The following URGCP variants were observed in gnomAD, a reference collection of about 807,000 sequenced individuals.
The protein encoded by URGCP is upregulator of cell proliferation, also known as up-regulator of cell proliferation.
A neutral mutation model predicts 24.6 loss-of-function variants in URGCP; 13 were observed. The observed-to-expected ratio is 0.53, with a 90% CI of 0.34 to 0.84. URGCP has a LOEUF of 0.84. Ranked by LOEUF, URGCP falls within the 40% of genes least tolerant of loss-of-function variation. URGCP has a pLI of 0.01. For synonymous variants in URGCP, 444 were observed against 487.2 expected (o/e 0.91, Z 1.17); for missense variants, 899 against 1,194.3 (o/e 0.75, Z 3.64).
chr7:43,919,108 G>A, intron 1 of URGCP: 1 of 886,440 alleles, frequency 1.1e-6, no homozygotes, highest in South Asian at 1.3e-5. Context: ...TTTGTGCTGT[G>A]TCAGTTCATT....
chr7:43,909,042 A>G (rs2095907234), upstream of URGCP, among the ~76,000 whole-genome samples: 1 of 152,226 alleles, frequency 6.6e-6, no homozygotes, highest in South Asian at 2.1e-4. Flanking sequence ...GAATGTGAGT[A>G]ATAAATATCC....
chr7:43,918,745 T>C, intron 1 of URGCP: 1 of 791,704 alleles, frequency 1.3e-6, no homozygotes, highest in Non-Finnish European at 2.2e-6. Context: ...AGCAATCAGA[T>C]TGGGTTCGAG....
At chr7:43,917,225 T>C (rs976524505) in intron 1 of URGCP, among the ~76,000 whole-genome samples, 1 of 152,216 alleles carries the variant, frequency 6.6e-6, no homozygotes, top group Non-Finnish European at 1.5e-5. Flanking sequence ...AGAAAGGGAA[T>C]GATAAGGATC....
chr7:43,923,365 C>T (rs2095924834), intron 1 of URGCP, among the ~76,000 whole-genome samples: 1 of 151,224 alleles, frequency 6.6e-6, no homozygotes, highest in South Asian at 2.1e-4. Flanking sequence ...TAGCTCCCTG[C>T]AGCCTCAAAT....
At chr7:43,879,967 A>C (rs1323541490) in intron 5 of URGCP, among the ~76,000 whole-genome samples, 1 of 150,002 alleles carries the variant, frequency 6.7e-6, no homozygotes, top group Non-Finnish European at 1.5e-5. Flanking sequence ...TCTGTTACCC[A>C]GGCTGTAGTG....
At chr7:43,893,969 T>C (rs1444042945) in intron 1 of URGCP, among the ~76,000 whole-genome samples, 2 of 151,988 alleles carry the variant, frequency 1.3e-5, no homozygotes, top group African/African-American at 4.8e-5. Context: ...AAATAGACTT[T>C]ACATGAAAAA....
At chr7:43,906,413 T>C (rs2095902951) in intron 1 of URGCP, 149 bp downstream of exon 1, 1 of 884,584 alleles carries the variant, frequency 1.1e-6, no homozygotes, top group Middle Eastern at 5.6e-4. Flanking sequence ...GAGCGGGCCG[T>C]GGGCCTGGTG....
intron 1 of URGCP, among the ~76,000 whole-genome samples, chr7:43,903,092 T>C (rs1466213710): frequency 4.6e-5 from 6 of 130,484 alleles, no homozygotes; most frequent in Non-Finnish European, 8.1e-5. Flanking sequence ...AAGATCAACA[T>C]AGGCAACATA....
At position 43,879,232 on chromosome 7, in the gene URGCP, C is replaced by T. The variant is rs760702001; in HGVS notation, c.231G>A (p.Leu77=). ...GGTACGTCTCTAGGCCCAAAAGTGACAGCATTTCTTGAAGCCTGCTTCTCT... is the reference window on the plus strand; with the variant it reads ...GGTACGTCTCTAGGCCCAAAAGTGATAGCATTTCTTGAAGCCTGCTTCTCT... ...TVERSRLQEM[L]SLLGLETYQV... is the part of the protein sequence containing the mutation. Residue 77 remains leucine (L), a synonymous_variant, in exon 6 of 6, where the codon CTG becomes CTA. Coordinates refer to ENST00000453200, the MANE Select transcript of URGCP (RefSeq NM_001077663.3). The T allele has an allele frequency of 1.9e-6, 3 of 1,611,430 alleles. No homozygotes were observed. The highest frequency in any genetic ancestry group is 1.7e-6 in the Non-Finnish European group (2 of 1,179,344).
At chr7:43,912,270 G>A (rs2095910831) in intron 1 of URGCP, among the ~76,000 whole-genome samples, 2 of 152,210 alleles carry the variant, frequency 1.3e-5, no homozygotes, top group African/African-American at 2.4e-5. Context: ...GGCTGAGGCT[G>A]TTGGATTACC....
chr7:43,919,671 C>T (rs1217956692), intron 1 of URGCP: 3 of 1,375,622 alleles, frequency 2.2e-6, no homozygotes, highest in South Asian at 1.2e-5. Flanking sequence ...CAACACCATC[C>T]AGGGAGAGGT....
chr7:43,890,883 T>C (rs972869975), intron 1 of URGCP, among the ~76,000 whole-genome samples: 3 of 152,264 alleles, frequency 2.0e-5, no homozygotes, highest in Non-Finnish European at 2.9e-5. Flanking sequence ...TGATGGCCCA[T>C]TGCTCATTCT....
At chr7:43,887,911 A>G in intron 1 of URGCP, 95 bp from the exon 2 acceptor site, 1 of 790,852 alleles carries the variant, frequency 1.3e-6, no homozygotes. Flanking sequence ...AAAGTGCAAT[A>G]ACGGAATTAT....
chr7:43,876,548 C>T lies in URGCP; in HGVS notation c.*119G>A. The T allele has an allele frequency of 8.8e-7, 1 of 1,138,362 alleles. No homozygotes were observed. The highest frequency in any genetic ancestry group is 1.3e-6 in the Non-Finnish European group (1 of 795,940). 70.5% of individuals were successfully genotyped at this position (1,138,362 alleles called of 1,614,324 possible). ...CCAAACCCTGTCTTTTCCTCGTCTT[C>T]TCATGTCGATTGGGCACCAGCCATT... On this transcript the variant is annotated 3_prime_UTR_variant, in exon 6 of 6. Coordinates refer to ENST00000453200, the MANE Select transcript of URGCP (RefSeq NM_001077663.3).
Position 43,878,053 on chromosome 7 carries a change from C to A in URGCP, c.1410G>T (p.Gln470His). 1 of 1,614,254 alleles carries A rather than the reference C, an allele frequency of 6.2e-7. No individual in the cohort carries two copies. Among genetic ancestry groups the A allele is most frequent in the Non-Finnish European group, 8.5e-7 (1 of 1,180,052 alleles). Residue 470 changes from glutamine (Q) to histidine (H), a missense_variant, in exon 6 of 6, where the codon CAG becomes CAT. Gln to His is a conservative substitution (Grantham distance 24, BLOSUM62 0). Transcript: ENST00000453200. The surrounding 1 kb of genome is among the most constrained non-coding windows in gnomAD (Gnocchi z 5.6). ...LKVDEDCEEC[Q>H]KAKDRMERIT... Reference sequence around the variant, plus strand: ...TCCTCTCCATCCGGTCTTTCGCTTTCTGACACTCCTCACAGTCCTCGTCGA... The same window carrying A: ...TCCTCTCCATCCGGTCTTTCGCTTTATGACACTCCTCACAGTCCTCGTCGA...
rs777421705 is a variant in URGCP, at chr7:43,878,006, G to A, written c.1457C>T (p.Ser486Leu). The change falls in exon 6 of 6, where the codon TCG becomes TTG. Residue 486 changes from serine (S) to leucine (L), a missense_variant. Ser to Leu is a moderately radical substitution (Grantham distance 145). Transcript: ENST00000453200. This position sits in a 1 kb window ranked among gnomAD's most constrained non-coding sequence, Gnocchi z 5.6. ...CAGCTCGTCCCTTCTGTAGGCATCCGAGTCTTTGATTTTCCTGGTAATCCT... is the reference window on the plus strand; with the variant it reads ...CAGCTCGTCCCTTCTGTAGGCATCCAAGTCTTTGATTTTCCTGGTAATCCT... ...MERITRKIKDSDAYRRDELRL... is the reference protein window; with the variant it reads ...MERITRKIKDLDAYRRDELRL... The A allele has an allele frequency of 8.1e-6, 13 of 1,614,096 alleles. No homozygotes were observed. The East Asian group carries it at 1.1e-4, about 14-fold the overall frequency.
chr7:43,907,581 G>T (rs1367569594), upstream of URGCP, among the ~76,000 whole-genome samples: 2 of 151,384 alleles, frequency 1.3e-5, no homozygotes, highest in East Asian at 3.9e-4. Context: ...CAGCAAAGCA[G>T]TGATTAAAAC....
intron 1 of URGCP, among the ~76,000 whole-genome samples, chr7:43,895,952 C>G (rs1427111986): frequency 1.3e-5 from 2 of 152,102 alleles, no homozygotes; most frequent in Non-Finnish European, 2.9e-5. Flanking sequence ...TATCAACATA[C>G]AAACTGATAA....
upstream of URGCP, chr7:43,926,680 A>G: frequency 9.5e-7 from 1 of 1,057,530 alleles, no homozygotes; most frequent in Non-Finnish European, 1.3e-6. Flanking sequence ...CTGCCTGGGA[A>G]GGAGGCAGAA....
Sources: gnomAD v4.1 joint callset for allele counts (sites outside exome capture counted in the v4.1 genomes callset) on GRCh38, gnomAD v4.1.1 for gene constraint, Gnocchi (gnomAD v3.1) non-coding constraint, MANE v1.5 for transcripts, NCBI Gene and HGNC (gene_info 2026-07-23, HGNC 2026-07-21) for gene names.